The following PTP4A3 variants were observed in gnomAD, a reference collection of about 807,000 sequenced individuals.
The protein encoded by PTP4A3 is protein tyrosine phosphatase type IVA 3.
Under a neutral mutation model 15.2 loss-of-function variants are expected in PTP4A3, and 9 were observed. That is an observed-to-expected ratio of 0.59 (90% CI 0.36 to 1.03). The LOEUF (loss-of-function observed/expected upper bound fraction) is 1.03, where lower values mean the gene tolerates loss of function less well. Ranked by LOEUF, PTP4A3 falls within the 50% of genes least tolerant of loss-of-function variation. The pLI is 0.02. For synonymous variants in PTP4A3, 95 were observed against 102.0 expected, an observed-to-expected ratio of 0.93 and a Z score of 0.41; for missense variants, 234 against 252.1, an observed-to-expected ratio of 0.93 and a Z score of 0.49.
At chr8:141,397,903 C>G (rs936900904) in intron 1 of PTP4A3, among the ~76,000 whole-genome samples, 4 of 152,238 alleles carry the variant, frequency 2.6e-5, no homozygotes, top group Non-Finnish European at 5.9e-5. Flanking sequence ...CGGCCCGGCT[C>G]CTGCCTTTAT....
intron 2 of PTP4A3, among the ~76,000 whole-genome samples, chr8:141,423,189 A>G (rs1170323220): frequency 6.6e-6 from 1 of 152,208 alleles, no homozygotes; most frequent in African/African-American, 2.4e-5. Context: ...GAGGGCATTA[A>G]GAACTGTAGA....
intron 5 of PTP4A3, among the ~76,000 whole-genome samples, chr8:141,430,406 C>T (rs1235727211): frequency 6.6e-6 from 1 of 151,236 alleles, no homozygotes; most frequent in Non-Finnish European, 1.5e-5. Flanking sequence ...GCTGTAAGGA[C>T]CAGGTGGCGG....
intron 1 of PTP4A3, among the ~76,000 whole-genome samples, chr8:141,414,061 CGTGTGTGTGTGT>C (rs10571256): frequency 2.0e-5 from 3 of 150,170 alleles, no homozygotes; most frequent in African/African-American, 7.3e-5. Context: ...GTTTCTGTGG[CGTGTGTGTGTGT>C]GTGTGTGTGT....
intron 1 of PTP4A3, among the ~76,000 whole-genome samples, chr8:141,401,285 G>A (rs964516343): frequency 6.6e-6 from 1 of 152,250 alleles, no homozygotes; most frequent in African/African-American, 2.4e-5. Context: ...TGCACGTCCT[G>A]TCGTTGAGGT....
rs1833653204 is a variant in PTP4A3 at position 141,427,800 on chromosome 8, AG to A, written c.382del (p.Asp128ThrfsTer58). The A allele has an allele frequency of 6.4e-7, 1 of 1,551,172 alleles. No homozygotes were observed. The highest frequency in any genetic ancestry group is 8.7e-7 in the Non-Finnish European group (1 of 1,147,338). The stretch of plus-strand genomic sequence containing the variant: ...CTTATTGAGAGCGGGATGAAGTACG[AG>A]GACGCCATCCAGTTCATCCGCCAGT... ...LALIESGMKY[E>X]DAIQFIRQKR... On this transcript the variant is annotated frameshift_variant, in exon 5 of 6. Transcript: ENST00000521578. LOFTEE classifies it high-confidence loss of function.
At position 141,425,503 on chromosome 8, in the gene PTP4A3, T is replaced by A. The variant is rs1183357685; in HGVS notation, c.198+363T>A. ...ATCTCAGTCTTGCTGCCTGGGCGGC[T>A]GGGGCCCTGTTGCCAGGCAGCAGGC... On this transcript the variant is annotated intron_variant, in intron 3 of 5. Coordinates refer to ENST00000521578, the MANE Select transcript of PTP4A3 (RefSeq NM_032611.3). This position sits in a 1 kb window ranked among gnomAD's most constrained non-coding sequence, Gnocchi z 4.2. 6.7e-6 allele frequency among the ~76,000 whole-genome samples: 1 copy of A among 150,220 alleles called. No individual in the cohort carries two copies. The highest frequency in any genetic ancestry group is 1.5e-5 in the Non-Finnish European group (1 of 67,700).
intron 1 of PTP4A3, among the ~76,000 whole-genome samples, chr8:141,400,566 C>T (rs1463454003): frequency 3.3e-5 from 5 of 152,184 alleles, no homozygotes; most frequent in Non-Finnish European, 7.3e-5. Flanking sequence ...CATCCCCCCA[C>T]CCCCATGATG....
chr8:141,422,398 C>T (rs1208836781), intron 2 of PTP4A3, 53 bp downstream of exon 2: 38 of 1,599,522 alleles, frequency 2.4e-5, no homozygotes, highest in African/African-American at 4.0e-5. Context: ...CTGGGAAGCC[C>T]GGCTGAGCTG....
chr8:141,414,913 CCTGGA>C (rs1019573649), intron 1 of PTP4A3, among the ~76,000 whole-genome samples: 29 of 152,094 alleles, frequency 1.9e-4, no homozygotes, highest in African/African-American at 6.0e-4. Flanking sequence ...TGACCCGGGC[CCTGGA>C]CTGCAGGAAC....
rs529424240 is a variant in PTP4A3 at position 141,408,659 on chromosome 8, T to C, written c.-853-12729T>C. On this transcript the variant is annotated intron_variant, in intron 1 of 5. Coordinates refer to ENST00000521578, the MANE Select transcript of PTP4A3 (RefSeq NM_032611.3). ...CTAAAATGGTGGATTTCATGTGTTATGAATTTTATCTCAAAAAATAAATTA... is the reference window on the plus strand; with the variant it reads ...CTAAAATGGTGGATTTCATGTGTTACGAATTTTATCTCAAAAAATAAATTA... Among the ~76,000 whole-genome samples, 4 of 151,920 alleles carry C rather than the reference T, an allele frequency of 2.6e-5. No individual in the cohort carries two copies. The East Asian group carries it at 7.7e-4, about 29-fold the overall frequency.
chr8:141,400,173 G>A (rs989976672), intron 1 of PTP4A3, among the ~76,000 whole-genome samples: 2 of 152,150 alleles, frequency 1.3e-5, no homozygotes, highest in African/African-American at 2.4e-5. Context: ...GGATTACAGT[G>A]TGAGCCACTG....
intron 1 of PTP4A3, among the ~76,000 whole-genome samples, chr8:141,401,830 A>G (rs1246016006): frequency 6.6e-6 from 1 of 152,038 alleles, no homozygotes; most frequent in Non-Finnish European, 1.5e-5. Flanking sequence ...GGACAGAACC[A>G]TTTACCGAGC....
At position 141,425,152 on chromosome 8, in the gene PTP4A3, G is replaced by A. The variant is rs777229012; in HGVS notation, c.198+12G>A. On this transcript the variant is annotated intron_variant, in intron 3 of 5. Coordinates refer to ENST00000521578, the MANE Select transcript of PTP4A3 (RefSeq NM_032611.3). This position sits in a 1 kb window ranked among gnomAD's most constrained non-coding sequence, Gnocchi z 4.2. ...GCATCACCGTTGTGGTGAGGCGCGC[G>A]CCACGGGGACCCTAGTCACTGCTGC... The A allele has an allele frequency of 1.5e-5, 19 of 1,231,252 alleles. No homozygotes were observed. Among genetic ancestry groups the A allele is most frequent in the African/African-American group, 6.3e-5 (4 of 63,736 alleles). 76.3% of individuals were successfully genotyped at this position (1,231,252 alleles called of 1,614,324 possible). A position where few individuals can be genotyped will look rare whatever the true frequency, so the allele number is the denominator to read the frequency against.
At chr8:141,418,751 T>G (rs927343481) in intron 1 of PTP4A3, among the ~76,000 whole-genome samples, 1 of 152,166 alleles carries the variant, frequency 6.6e-6, no homozygotes, top group Non-Finnish European at 1.5e-5. Context: ...AGGGGCAACC[T>G]GTCCCCATTT....
intron 5 of PTP4A3, 86 bp downstream of exon 5, chr8:141,427,910 G>T: frequency 1.5e-6 from 2 of 1,292,044 alleles, no homozygotes; most frequent in South Asian, 2.7e-5. Context: ...CATTGGCTGT[G>T]TGGTTCCGTC....
chr8:141,413,110 G>C (rs1450495934), intron 1 of PTP4A3, among the ~76,000 whole-genome samples: 2 of 152,206 alleles, frequency 1.3e-5, no homozygotes, highest in Non-Finnish European at 2.9e-5. Context: ...TGTCTGCTGA[G>C]GGTCCACTGG....
Position 141,422,093 on chromosome 8 carries a change from G to A in PTP4A3, c.-148G>A. On this transcript the variant is annotated 5_prime_UTR_variant, in exon 2 of 6. The change abolishes an upstream ATG in the 5' untranslated region. Coordinates refer to ENST00000521578, the MANE Select transcript of PTP4A3 (RefSeq NM_032611.3). ...TTTGCACAATATTTGTGCGGGGTATGGGGGTGGGTTTTTAAATCTCGTTTC... is the reference window on the plus strand; with the variant it reads ...TTTGCACAATATTTGTGCGGGGTATAGGGGTGGGTTTTTAAATCTCGTTTC... The A allele has an allele frequency of 1.4e-6, 1 of 690,666 alleles. No homozygotes were observed. 42.8% of individuals were successfully genotyped at this position (690,666 alleles called of 1,614,324 possible).
At chr8:141,397,922 A>C (rs1832493574) in intron 1 of PTP4A3, among the ~76,000 whole-genome samples, 1 of 152,020 alleles carries the variant, frequency 6.6e-6, no homozygotes, top group Non-Finnish European at 1.5e-5. Flanking sequence ...ATCATGTGTG[A>C]GCCTCGCTGT....
rs570510347 is a variant in PTP4A3 at position 141,412,157 on chromosome 8, C to T, written c.-853-9231C>T. 1.8e-4 allele frequency among the ~76,000 whole-genome samples: 27 copies of T among 152,332 alleles called. No individual in the cohort carries two copies. The South Asian group carries it at 3.1e-3, about 18-fold the overall frequency. On this transcript the variant is annotated intron_variant, in intron 1 of 5. Coordinates refer to ENST00000521578, the MANE Select transcript of PTP4A3 (RefSeq NM_032611.3). ...GGTGCTGCGCTGGGCAGTGGCTAAGCGTGGGCTCTTCCTTTTCTGTGACAC... is the reference window on the plus strand; with the variant it reads ...GGTGCTGCGCTGGGCAGTGGCTAAGTGTGGGCTCTTCCTTTTCTGTGACAC...
Sources: gnomAD v4.1 joint callset for allele counts (sites outside exome capture counted in the v4.1 genomes callset) on GRCh38, gnomAD v4.1.1 for gene constraint, Gnocchi (gnomAD v3.1) non-coding constraint, MANE v1.5 for transcripts, NCBI Gene and HGNC (gene_info 2026-07-23, HGNC 2026-07-21) for gene names.